Variants in CDH2 observed in about 807,000 individuals in gnomAD.
CDH2 encodes the protein cadherin 2, also known as cadherin-2.
A neutral mutation model predicts 92.0 loss-of-function variants in CDH2; 17 were observed. The ratio of observed to expected loss-of-function variants is 0.18; its 90% CI spans 0.13 to 0.28. The LOEUF (loss-of-function observed/expected upper bound fraction) is 0.28, where lower values mean the gene tolerates loss of function less well. Ranked by LOEUF, CDH2 falls within the 10% of genes least tolerant of loss-of-function variation. The pLI, the probability that CDH2 is intolerant of heterozygous loss-of-function variation, is 1.00. For missense variants in CDH2, 862 were observed against 1,133.1 expected (o/e 0.76, Z 3.44); for synonymous variants, 419 against 415.9 (o/e 1.01, Z -0.09).
chr18:28,164,083 C>T (rs2016344322), intron 1 of CDH2, among the ~76,000 whole-genome samples: 1 of 152,064 alleles, frequency 6.6e-6, no homozygotes, highest in South Asian at 2.1e-4. Context: ...TATATCGTAT[C>T]CTCATATCAC....
intron 2 of CDH2, among the ~76,000 whole-genome samples, chr18:28,051,584 T>C (rs1048185455): frequency 1.3e-5 from 2 of 152,196 alleles, no homozygotes; most frequent in African/African-American, 4.8e-5. Flanking sequence ...ATATTAAATG[T>C]CAAACATTTT....
intron 9 of CDH2, among the ~76,000 whole-genome samples, chr18:27,991,953 C>T (rs1035098631): frequency 2.0e-5 from 3 of 152,172 alleles, no homozygotes; most frequent in Admixed American, 6.6e-5. Context: ...ATTATAGCTA[C>T]GCATTTATTA....
chr18:28,147,183 T>C (rs557436750), intron 2 of CDH2, among the ~76,000 whole-genome samples: 15 of 152,206 alleles, frequency 9.9e-5, no homozygotes, highest in African/African-American at 3.6e-4. Flanking sequence ...AATATGAATT[T>C]CATACTCTTG....
intron 1 of CDH2, 116 bp downstream of exon 1, chr18:28,176,842 CGGCGT>C (rs1050582925): frequency 1.2e-4 from 46 of 369,944 alleles, no homozygotes; most frequent in East Asian, 8.5e-4. Flanking sequence ...CGGCGCGGCG[CGGCGT>C]GGCACCTCCC....
At chr18:28,162,057 G>T (rs2016314351) in intron 1 of CDH2, among the ~76,000 whole-genome samples, 1 of 152,186 alleles carries the variant, frequency 6.6e-6, no homozygotes, top group Non-Finnish European at 1.5e-5. Flanking sequence ...AGTAATAAAT[G>T]TTGTAATTTT....
chr18:28,052,017 A>G (rs898768682), intron 2 of CDH2, among the ~76,000 whole-genome samples: 7 of 152,280 alleles, frequency 4.6e-5, no homozygotes, highest in African/African-American at 1.4e-4. Flanking sequence ...ATTTGTATGC[A>G]TCTCTACAAA....
At chr18:28,142,080 T>C (rs1245116221) in intron 2 of CDH2, among the ~76,000 whole-genome samples, 3 of 152,088 alleles carry the variant, frequency 2.0e-5, no homozygotes, top group Non-Finnish European at 4.4e-5. Flanking sequence ...ATTTTACTTA[T>C]TTATTGAGTT....
downstream of CDH2, among the ~76,000 whole-genome samples, chr18:27,947,139 T>G (rs181359570): frequency 4.5e-4 from 68 of 151,866 alleles, no homozygotes; most frequent in East Asian, 7.7e-3. Context: ...TATGATTGTT[T>G]GTCAGGAAAA....
chr18:27,966,014 AAAG>A (rs1386326169), intron 14 of CDH2, among the ~76,000 whole-genome samples: 3 of 151,174 alleles, frequency 2.0e-5, no homozygotes, highest in East Asian at 1.9e-4. Flanking sequence ...AAAAAAAAAA[AAAG>A]ATTTATTCAG....
At chr18:28,053,282 C>T (rs1343314348) in intron 2 of CDH2, among the ~76,000 whole-genome samples, 7 of 152,040 alleles carry the variant, frequency 4.6e-5, no homozygotes, top group African/African-American at 1.7e-4. Flanking sequence ...TCTTAGATAA[C>T]CAGGCAAGTT....
intron 6 of CDH2, among the ~76,000 whole-genome samples, chr18:27,933,683 C>T (rs1356226506): frequency 6.6e-6 from 1 of 152,174 alleles, no homozygotes; most frequent in Non-Finnish European, 1.5e-5. Flanking sequence ...GTAATTCTAA[C>T]CCGTTTCGGA....
At chr18:28,075,366 G>C (rs1443284200) in intron 2 of CDH2, among the ~76,000 whole-genome samples, 1 of 152,066 alleles carries the variant, frequency 6.6e-6, no homozygotes, top group Non-Finnish European at 1.5e-5. Context: ...CAGTTTCTCT[G>C]GTCCAGTTCT....
chr18:28,153,257 T>A (rs1219051243), intron 1 of CDH2, among the ~76,000 whole-genome samples: 1 of 152,066 alleles, frequency 6.6e-6, no homozygotes, highest in Non-Finnish European at 1.5e-5. Context: ...ACCAAAACCA[T>A]CCTGATCTTT....
intron 1 of CDH2, among the ~76,000 whole-genome samples, chr18:28,175,983 G>A (rs945365953): frequency 3.3e-5 from 5 of 152,206 alleles, no homozygotes; most frequent in African/African-American, 4.8e-5. Context: ...CTGGTCGGGA[G>A]GAGCCTGGGG....
At chr18:27,953,248 A>G (rs1467337790) in intron 15 of CDH2, among the ~76,000 whole-genome samples, 2 of 152,196 alleles carry the variant, frequency 1.3e-5, no homozygotes, top group African/African-American at 2.4e-5. Flanking sequence ...AAGAAAAAAG[A>G]AACAAGGAAA....
chr18:28,076,965 C>T (rs1313466967), intron 2 of CDH2, among the ~76,000 whole-genome samples: 1 of 152,068 alleles, frequency 6.6e-6, no homozygotes, highest in Non-Finnish European at 1.5e-5. Flanking sequence ...TGTCACTTGC[C>T]TTGATAAAAA....
chr18:28,103,910 T>C (rs2015278624), intron 2 of CDH2, among the ~76,000 whole-genome samples: 1 of 152,162 alleles, frequency 6.6e-6, no homozygotes, highest in Non-Finnish European at 1.5e-5. Context: ...CCAGAAATTT[T>C]AAATACTATT....
intron 6 of CDH2, among the ~76,000 whole-genome samples, chr18:27,935,743 G>C (rs1455584945): frequency 1.3e-5 from 2 of 152,114 alleles, no homozygotes; most frequent in Non-Finnish European, 2.9e-5. Context: ...CATGGTGCTT[G>C]GCACACAACA....
At chr18:28,119,367 T>A (rs1337767857) in intron 2 of CDH2, among the ~76,000 whole-genome samples, 9 of 152,024 alleles carry the variant, frequency 5.9e-5, no homozygotes, top group African/African-American at 2.2e-4. Context: ...GTGAATAGAA[T>A]AATGTTCAAG....
Sources: gnomAD v4.1 joint callset for allele counts (sites outside exome capture counted in the v4.1 genomes callset) on GRCh38, gnomAD v4.1.1 for gene constraint, MANE v1.5 for transcripts, NCBI Gene and HGNC (gene_info 2026-07-23, HGNC 2026-07-21) for gene names.